ASTN1: variants seen among roughly 807,000 people sequenced by gnomAD.
ASTN1 encodes the protein astrotactin-1.
Under a neutral mutation model 140.7 loss-of-function variants are expected in ASTN1, and 41 were observed. The observed-to-expected ratio is 0.29, with a 90% CI of 0.23 to 0.38. ASTN1 has a LOEUF of 0.38. Among genes scored for constraint, ASTN1 ranks in the 10% least tolerant of loss-of-function variants. The pLI, the probability that ASTN1 is intolerant of heterozygous loss-of-function variation, is 1.00. For missense variants in ASTN1, 1,479 were observed against 1,678.8 expected (o/e 0.88, Z 2.08); for synonymous variants, 640 against 652.2 (o/e 0.98, Z 0.29).
At chr1:176,935,658 C>T (rs965119151) in intron 15 of ASTN1, among the ~76,000 whole-genome samples, 2 of 152,126 alleles carry the variant, frequency 1.3e-5, no homozygotes, top group Non-Finnish European at 2.9e-5. Flanking sequence ...TAAGGCTCTA[C>T]CTCCCTATTG....
chr1:176,882,964 A>T lies in ASTN1; in HGVS notation c.3257T>A (p.Ile1086Asn). ...ETVLSFVDDI[I>N]SGAKSPCAMP... ...TGCACAAGGAGACTTTGCTCCAGAG[A>T]TGATGTCGTCCACAAAGCTCAGCAC... Residue 1086 changes from isoleucine to asparagine, a missense_variant, in exon 20 of 23, where the codon ATC becomes AAC. Ile to Asn is a moderately radical substitution (Grantham distance 149, BLOSUM62 -3). This residue lies in a region of ASTN1 where 746 missense variants were observed against 800.9 expected (regional missense o/e 0.93). Transcript: ENST00000361833. 1 of 1,614,162 alleles carries T rather than the reference A, an allele frequency of 6.2e-7. No individual in the cohort carries two copies. Among genetic ancestry groups the T allele is most frequent in the Non-Finnish European group, 8.5e-7 (1 of 1,180,016 alleles).
intron 1 of ASTN1, among the ~76,000 whole-genome samples, chr1:177,109,206 C>T (rs578171133): frequency 2.6e-4 from 39 of 151,984 alleles, no homozygotes; most frequent in Admixed American, 2.2e-3. Context: ...TTTGTTCATA[C>T]GGTATACCAA....
chr1:177,044,348 TG>T (rs1677116415), intron 2 of ASTN1, among the ~76,000 whole-genome samples: 1 of 152,272 alleles, frequency 6.6e-6, no homozygotes, highest in Admixed American at 6.5e-5. Flanking sequence ...TGTTTTGTTT[TG>T]TTTTTTTGAG....
intron 1 of ASTN1, among the ~76,000 whole-genome samples, chr1:177,078,882 C>A (rs1471330672): frequency 6.6e-6 from 1 of 151,996 alleles, no homozygotes; most frequent in Non-Finnish European, 1.5e-5. Flanking sequence ...TACATGACAG[C>A]CAAAATCAGA....
chr1:176,996,411 A>G (rs529912952), intron 8 of ASTN1, among the ~76,000 whole-genome samples: 7 of 152,170 alleles, frequency 4.6e-5, no homozygotes, highest in Admixed American at 4.6e-4. Flanking sequence ...AGAACTTCCC[A>G]GGCAGTTTCT....
At chr1:177,125,395 C>T (rs1681591868) in intron 1 of ASTN1, among the ~76,000 whole-genome samples, 1 of 152,018 alleles carries the variant, frequency 6.6e-6, no homozygotes, top group Non-Finnish European at 1.5e-5. Context: ...CCATTTAATC[C>T]CTCACTGGTT....
At chr1:176,928,558 G>A (rs896041497) in intron 16 of ASTN1, among the ~76,000 whole-genome samples, 1 of 152,148 alleles carries the variant, frequency 6.6e-6, no homozygotes, top group African/African-American at 2.4e-5. Flanking sequence ...CTTGGTGGGA[G>A]TGATGTTGGA....
intron 1 of ASTN1, among the ~76,000 whole-genome samples, chr1:177,067,115 G>C (rs755744545): frequency 1.3e-5 from 2 of 151,894 alleles, no homozygotes; most frequent in Admixed American, 6.6e-5. Context: ...TCTGAGGGGG[G>C]GTTCACAGAG....
intron 1 of ASTN1, among the ~76,000 whole-genome samples, chr1:177,127,778 T>C (rs1455591533): frequency 6.6e-6 from 1 of 152,238 alleles, no homozygotes; most frequent in Non-Finnish European, 1.5e-5. Flanking sequence ...TTCTAAACTG[T>C]TGGATGGATG....
intron 21 of ASTN1, among the ~76,000 whole-genome samples, chr1:176,872,320 C>T (rs886279107): frequency 4.0e-5 from 6 of 151,782 alleles, no homozygotes; most frequent in South Asian, 2.1e-4. Context: ...ACGTGCACTA[C>T]GTTGGACAAA....
intron 8 of ASTN1, 92 bp from the exon 9 acceptor site, chr1:176,965,329 A>G: frequency 7.7e-7 from 1 of 1,292,396 alleles, no homozygotes; most frequent in Non-Finnish European, 1.1e-6. Flanking sequence ...GGTGGTAGAC[A>G]CCCAGCCATC....
At chr1:177,098,110 C>A (rs1458872344) in intron 1 of ASTN1, among the ~76,000 whole-genome samples, 1 of 152,166 alleles carries the variant, frequency 6.6e-6, no homozygotes, top group East Asian at 1.9e-4. Context: ...GGGAAATCTT[C>A]CCACTCTCAA....
At chr1:176,931,219 C>T (rs906984631) in intron 16 of ASTN1, among the ~76,000 whole-genome samples, 1 of 152,294 alleles carries the variant, frequency 6.6e-6, no homozygotes, top group South Asian at 2.1e-4. Context: ...GTAATCCCAG[C>T]ACTTTGGGAG....
intron 8 of ASTN1, among the ~76,000 whole-genome samples, chr1:176,988,712 T>C (rs946721389): frequency 6.6e-6 from 1 of 152,210 alleles, no homozygotes; most frequent in Non-Finnish European, 1.5e-5. Context: ...TTGGAAACTT[T>C]TCAGAGCTGT....
chr1:177,008,737 G>A (rs1675134959), intron 8 of ASTN1, among the ~76,000 whole-genome samples: 1 of 152,034 alleles, frequency 6.6e-6, no homozygotes, highest in Non-Finnish European at 1.5e-5. Context: ...GAAAGAGAGA[G>A]AGAGGAAGAA....
At chr1:177,061,470 G>A (rs1017323141) in intron 1 of ASTN1, among the ~76,000 whole-genome samples, 1 of 152,166 alleles carries the variant, frequency 6.6e-6, no homozygotes, top group African/African-American at 2.4e-5. Flanking sequence ...ATCTCCCGTA[G>A]GTCTTTCCAC....
chr1:177,046,569 C>A (rs1309189541), intron 2 of ASTN1, among the ~76,000 whole-genome samples: 2 of 152,138 alleles, frequency 1.3e-5, no homozygotes, highest in Non-Finnish European at 2.9e-5. Flanking sequence ...TCCCATCCCA[C>A]CCTTTATACC....
intron 1 of ASTN1, among the ~76,000 whole-genome samples, chr1:177,121,653 C>T (rs1356439679): frequency 6.6e-6 from 1 of 152,176 alleles, no homozygotes; most frequent in African/African-American, 2.4e-5. Context: ...TCCTCCACCT[C>T]CTTCTTCCCT....
At chr1:176,924,637 A>C in intron 16 of ASTN1, among the ~76,000 whole-genome samples, 1 of 152,190 alleles carries the variant, frequency 6.6e-6, no homozygotes, top group East Asian at 1.9e-4. Context: ...CTAGATATAG[A>C]AGGTGTTAAA....
Sources: allele counts gnomAD v4.1 joint callset (sites outside exome capture counted in the v4.1 genomes callset), GRCh38; gene constraint gnomAD v4.1.1; regional missense constraint gnomAD v4.1.1; transcripts MANE v1.5; gene names NCBI Gene and HGNC (gene_info 2026-07-23, HGNC 2026-07-21).